Variants in PITPNA observed in about 807,000 individuals in gnomAD.
PITPNA encodes phosphatidylinositol transfer protein alpha.
A neutral mutation model predicts 50.3 loss-of-function variants in PITPNA; 13 were observed. The ratio of observed to expected loss-of-function variants is 0.26; its 90% CI spans 0.17 to 0.41. The LOEUF (loss-of-function observed/expected upper bound fraction) is 0.41. PITPNA is among the 10% of genes least tolerant of loss of function. PITPNA has a pLI of 1.00. For synonymous variants in PITPNA, 120 were observed against 119.6 expected, an observed-to-expected ratio of 1.00 and a Z score of -0.02; for missense variants, 207 against 333.4, an observed-to-expected ratio of 0.62 and a Z score of 2.95.
At chr17:1,525,759 C>T (rs1567575194) in intron 10 of PITPNA, among the ~76,000 whole-genome samples, 2 of 152,168 alleles carry the variant, frequency 1.3e-5, no homozygotes, top group African/African-American at 2.4e-5. Context: ...CTCAGGTGAT[C>T]CGCCTGCCTT....
At chr17:1,542,592 G>A (rs1030091686) in intron 5 of PITPNA, among the ~76,000 whole-genome samples, 6 of 152,210 alleles carry the variant, frequency 3.9e-5, no homozygotes, top group Non-Finnish European at 8.8e-5. Context: ...GTGGGCGGGT[G>A]GGCAATGACA....
rs537772637 is a variant in PITPNA at position 1,521,948 on chromosome 17, C to A, written c.769-303G>T. Among the ~76,000 whole-genome samples, 93 of 147,652 alleles carry A rather than the reference C, an allele frequency of 6.3e-4. 3 individuals carry two copies. The South Asian group carries it at 0.019, about 30-fold the overall frequency. ...CTATGTTGACCAGGCTGGTCTTGGG[C>A]TCCTGGCCTCACACGATCCTCTGCC... is the stretch of plus-strand genomic sequence containing the variant. On this transcript the variant is annotated intron_variant, in intron 10 of 11. Transcript: ENST00000313486.
chr17:1,553,732 T>G (rs1253654568), intron 2 of PITPNA, among the ~76,000 whole-genome samples: 2 of 152,212 alleles, frequency 1.3e-5, no homozygotes, highest in African/African-American at 4.8e-5. Context: ...TGATTTCTTG[T>G]CAAAGAAAGG....
At chr17:1,555,476 G>A (rs1045864896) in intron 2 of PITPNA, among the ~76,000 whole-genome samples, 1 of 152,134 alleles carries the variant, frequency 6.6e-6, no homozygotes, top group Non-Finnish European at 1.5e-5. Flanking sequence ...AGGAGTGGGA[G>A]GGTCAGATCA....
At chr17:1,521,790 C>T (rs112782713) in intron 10 of PITPNA, 145 bp from the exon 11 acceptor site, 9 of 673,802 alleles carry the variant, frequency 1.3e-5, no homozygotes, top group Middle Eastern at 3.9e-4. Flanking sequence ...CATATGGACT[C>T]GAAGCCATAC....
chr17:1,558,590 T>A, intron 1 of PITPNA, 31 bp from the exon 2 acceptor site: 1 of 1,559,678 alleles, frequency 6.4e-7, no homozygotes, highest in Non-Finnish European at 8.8e-7. Flanking sequence ...AGTATCAACT[T>A]TAGGCTGTGC....
At chr17:1,534,307 C>T in intron 9 of PITPNA, 86 bp from the exon 10 acceptor site, 2 of 1,532,900 alleles carry the variant, frequency 1.3e-6, no homozygotes, top group South Asian at 1.1e-5. Flanking sequence ...ACACGAATAC[C>T]CACACTAGAC....
At chr17:1,523,566 G>A (rs2075527906) in intron 10 of PITPNA, among the ~76,000 whole-genome samples, 1 of 148,580 alleles carries the variant, frequency 6.7e-6, no homozygotes, top group Admixed American at 6.7e-5. Context: ...GGATGGCAGT[G>A]GTGTGATCTC....
intron 3 of PITPNA, among the ~76,000 whole-genome samples, chr17:1,551,096 A>T (rs2075706420): frequency 6.6e-6 from 1 of 151,652 alleles, no homozygotes. Flanking sequence ...TGGGACACGA[A>T]GGGCGAGTGA....
intron 5 of PITPNA, 164 bp from the exon 6 acceptor site, chr17:1,541,804 G>A (rs1389363382): frequency 1.4e-6 from 1 of 704,428 alleles, no homozygotes; most frequent in Non-Finnish European, 2.7e-6. Flanking sequence ...GACACACTAG[G>A]CATGTATTAT....
chr17:1,558,931 T>C (rs1416590075), intron 1 of PITPNA, among the ~76,000 whole-genome samples: 7 of 151,966 alleles, frequency 4.6e-5, no homozygotes, highest in South Asian at 2.1e-4. Context: ...GAACTGGACA[T>C]ATGGATGATA....
At chr17:1,555,698 ACAG>A (rs2075731778) in intron 2 of PITPNA, among the ~76,000 whole-genome samples, 1 of 152,246 alleles carries the variant, frequency 6.6e-6, no homozygotes, top group African/African-American at 2.4e-5. Context: ...AAACAACAGT[ACAG>A]CTTTGGTCCC....
At chr17:1,551,279 C>T (rs538039105) in intron 3 of PITPNA, among the ~76,000 whole-genome samples, 1 of 150,498 alleles carries the variant, frequency 6.6e-6, no homozygotes, top group Non-Finnish European at 1.5e-5. Flanking sequence ...TTTTCTTTTT[C>T]TTTTTTTTCT....
At chr17:1,521,486 AG>A in intron 11 of PITPNA, 92 bp downstream of exon 11, 1 of 822,438 alleles carries the variant, frequency 1.2e-6, no homozygotes, top group Non-Finnish European at 2.1e-6. Flanking sequence ...AAGGAGGAAT[AG>A]GTTTTCTGAC....
intron 1 of PITPNA, among the ~76,000 whole-genome samples, chr17:1,558,882 C>T (rs2075754029): frequency 6.7e-6 from 1 of 150,348 alleles, no homozygotes. Flanking sequence ...CAAACCTATC[C>T]TCCCGCCAGC....
chr17:1,549,320 A>ATTTT (rs1250520585), intron 3 of PITPNA, among the ~76,000 whole-genome samples: 1 of 132,466 alleles, frequency 7.5e-6, no homozygotes, highest in Non-Finnish European at 1.6e-5. Flanking sequence ...AACATTTAGA[A>ATTTT]TTTTTTTTTT....
intron 10 of PITPNA, among the ~76,000 whole-genome samples, chr17:1,524,038 CTTTT>C (rs1567574518): frequency 8.5e-6 from 1 of 117,120 alleles, no homozygotes; most frequent in African/African-American, 3.3e-5. Context: ...CAGTTTTTTT[CTTTT>C]TTCTTTTTTT....
chr17:1,518,293 C>A lies in PITPNA; in HGVS notation c.*2268G>T, dbSNP rs2075482399. 6.6e-6 allele frequency: 1 copy of A among 152,608 alleles called. No homozygotes were observed. Among genetic ancestry groups the A allele is most frequent in the Non-Finnish European group, 1.5e-5 (1 of 68,082 alleles). The allele number at this position is 152,608 out of a possible 1,614,324, so 9.5% of individuals were successfully genotyped here. ...AGAGGCACTGCTGCTTCTGTTGGGG[C>A]TGTGACCCTGGAATTCTGATGGAAG... On this transcript the variant is annotated 3_prime_UTR_variant, in exon 12 of 12. Transcript: ENST00000313486.
intron 10 of PITPNA, among the ~76,000 whole-genome samples, chr17:1,526,526 A>G (rs1181659491): frequency 6.6e-6 from 1 of 152,228 alleles, no homozygotes; most frequent in Non-Finnish European, 1.5e-5. Context: ...ACTAATGACC[A>G]TTTACAAAAG....
Sources: gnomAD v4.1 joint callset for allele counts (sites outside exome capture counted in the v4.1 genomes callset) on GRCh38, gnomAD v4.1.1 for gene constraint, MANE v1.5 for transcripts, NCBI Gene and HGNC (gene_info 2026-07-23, HGNC 2026-07-21) for gene names.